Variants in KALRN observed in about 807,000 individuals in gnomAD.
The protein encoded by KALRN is kalirin RhoGEF kinase, also known as kalirin.
Under a neutral mutation model 353.7 loss-of-function variants are expected in KALRN, and 70 were observed. The ratio of observed to expected loss-of-function variants is 0.20; its 90% CI spans 0.16 to 0.24. KALRN has a LOEUF of 0.24. KALRN is among the 10% of genes least tolerant of loss of function. The pLI, the probability that KALRN is intolerant of heterozygous loss-of-function variation, is 1.00. For synonymous variants in KALRN, 1,391 were observed against 1,434.8 expected, an observed-to-expected ratio of 0.97 and a Z score of 0.69; for missense variants, 2,791 against 3,756.7, an observed-to-expected ratio of 0.74 and a Z score of 6.72.
At chr3:124,388,214 A>G (rs751087797) in intron 11 of KALRN, among the ~76,000 whole-genome samples, 2 of 151,866 alleles carry the variant, frequency 1.3e-5, no homozygotes, top group Admixed American at 6.6e-5. Context: ...CTATTACAAC[A>G]CTCATTTTTT....
intron 33 of KALRN, among the ~76,000 whole-genome samples, chr3:124,515,086 G>A (rs2108898338): frequency 6.6e-6 from 1 of 152,314 alleles, no homozygotes; most frequent in Middle Eastern, 3.4e-3. Flanking sequence ...CAAAATAACT[G>A]CCTCAAATTC....
chr3:124,546,845 C>T, intron 33 of KALRN, among the ~76,000 whole-genome samples: 1 of 152,134 alleles, frequency 6.6e-6, no homozygotes, highest in East Asian at 1.9e-4. Flanking sequence ...TTCGAGAATA[C>T]AGAGACATCC....
chr3:124,048,704 G>A (rs895860294), intron 1 of KALRN, among the ~76,000 whole-genome samples: 3 of 152,080 alleles, frequency 2.0e-5, no homozygotes, highest in African/African-American at 7.2e-5. Flanking sequence ...AGATGGTCTC[G>A]ATCTCCTGAT....
rs534314724 is a variant in KALRN, at chr3:124,094,457, A to G, written c.73+60644A>G. 2.6e-5 allele frequency among the ~76,000 whole-genome samples: 4 copies of G among 152,366 alleles called. No individual in the cohort carries two copies. The South Asian group carries it at 8.3e-4, about 32-fold the overall frequency. ...CTCTGGTGTGGGAGGTATGGAGGCC[A>G]GGATGGCAGGAGATGCTGGAAAAAA... On this transcript the variant is annotated intron_variant, in intron 1 of 59. Transcript: ENST00000682506.
intron 1 of KALRN, among the ~76,000 whole-genome samples, chr3:124,127,086 G>T (rs560290096): frequency 1.3e-5 from 2 of 152,296 alleles, no homozygotes; most frequent in Admixed American, 6.5e-5. Flanking sequence ...TTGTGGCAAG[G>T]CAGCTCAGAG....
rs573324955 is a variant in KALRN, at chr3:124,232,562, C to T, written c.149-2267C>T. ...TTATGCCTTCCCTGAGACCTTGCTC[C>T]GTTGTTGTCCCTACCCTTCCCAGCA... On this transcript the variant is annotated intron_variant, in intron 2 of 59. Coordinates refer to ENST00000682506, the MANE Select transcript of KALRN (RefSeq NM_001388419.1). Among the ~76,000 whole-genome samples, 6 of 152,310 alleles carry T rather than the reference C, an allele frequency of 3.9e-5. No individual in the cohort carries two copies. In the South Asian group the frequency reaches 6.2e-4, roughly 16 times the overall value.
chr3:124,356,174 C>T (rs779566630), intron 10 of KALRN, among the ~76,000 whole-genome samples: 25 of 152,026 alleles, frequency 1.6e-4, no homozygotes, highest in Non-Finnish European at 1.8e-4. Context: ...CCATTCCCCT[C>T]GACCCCTGCC....
chr3:124,251,060 C>T (rs1359345471), intron 3 of KALRN, among the ~76,000 whole-genome samples: 4 of 152,216 alleles, frequency 2.6e-5, no homozygotes, highest in Non-Finnish European at 5.9e-5. Flanking sequence ...TCCTTCCAAA[C>T]AAATGCTGTG....
chr3:124,482,780 T>A, intron 27 of KALRN, 28 bp from the exon 28 acceptor site: 1 of 1,486,656 alleles, frequency 6.7e-7, no homozygotes, highest in Admixed American at 1.7e-5. Flanking sequence ...CCTCTGTGTC[T>A]AATTGCACAT....
intron 1 of KALRN, among the ~76,000 whole-genome samples, chr3:124,196,675 A>G (rs999123722): frequency 6.6e-6 from 1 of 152,168 alleles, no homozygotes; most frequent in African/African-American, 2.4e-5. Flanking sequence ...AAGCGTACAC[A>G]CTTTATAACC....
chr3:124,539,769 G>GTT (rs201157170), intron 33 of KALRN, among the ~76,000 whole-genome samples: 5 of 151,040 alleles, frequency 3.3e-5, no homozygotes, highest in Non-Finnish European at 4.4e-5. Flanking sequence ...ATCATTTTGT[G>GTT]TTTTTTTTTG....
chr3:124,481,831 C>A (rs527789383), intron 27 of KALRN, among the ~76,000 whole-genome samples: 5 of 152,328 alleles, frequency 3.3e-5, no homozygotes, highest in African/African-American at 1.2e-4. Context: ...TCTCTACTAA[C>A]CACCCGGCCA....
At chr3:124,281,354 C>T (rs2075324499) in intron 5 of KALRN, among the ~76,000 whole-genome samples, 1 of 152,150 alleles carries the variant, frequency 6.6e-6, no homozygotes, top group Non-Finnish European at 1.5e-5. Flanking sequence ...TTGGGTTGAC[C>T]AGCTTGTCCC....
At position 124,152,397 on chromosome 3, in the gene KALRN, A is replaced by C. The variant is rs2068241983; in HGVS notation, c.74-75593A>C. The C allele has an allele frequency of 4.1e-6, 5 of 1,223,636 alleles. No individual in the cohort carries two copies. The South Asian group carries it at 6.0e-5, about 15-fold the overall frequency. 75.8% of individuals were successfully genotyped at this position (1,223,636 alleles called of 1,614,324 possible). A position where few individuals can be genotyped will look rare whatever the true frequency, so the allele number is the denominator to read the frequency against. On this transcript the variant is annotated intron_variant, in intron 1 of 59. Coordinates refer to ENST00000682506, the MANE Select transcript of KALRN (RefSeq NM_001388419.1). ...CCTTTCGGACCTTTGGGCTCACACT[A>C]TTGATACCTCTGATCCTGATGACAA...
Position 124,492,764 on chromosome 3 carries a change from G to C in KALRN, c.4714G>C (p.Glu1572Gln). 1 of 1,614,046 alleles carries C rather than the reference G, an allele frequency of 6.2e-7. No homozygotes were observed. Among genetic ancestry groups the C allele is most frequent in the South Asian group, 1.1e-5 (1 of 91,070 alleles). The part of the protein sequence containing the change: ...LKASNIETKQ[E>Q]WIKNIREVIQ... The stretch of plus-strand genomic sequence containing the variant: ...GGCCTCCAACATTGAAACCAAGCAG[G>C]AGTGGATCAAGAACATTCGAGAAGT... The change falls in exon 32 of 60, where the codon GAG becomes CAG. Residue 1572 changes from glutamate (E) to glutamine (Q), a missense_variant. Transcript: ENST00000682506.
intron 33 of KALRN, among the ~76,000 whole-genome samples, chr3:124,498,399 G>A (rs2064121128): frequency 6.6e-6 from 1 of 152,162 alleles, no homozygotes; most frequent in African/African-American, 2.4e-5. Context: ...GGCAAGAGCT[G>A]TGTCTGTCTG....
intron 1 of KALRN, among the ~76,000 whole-genome samples, chr3:124,119,289 A>G (rs996000040): frequency 2.0e-5 from 3 of 152,254 alleles, no homozygotes; most frequent in South Asian, 4.1e-4. Context: ...TCAGAGAAGA[A>G]TTAGACTGTT....
chr3:124,126,915 A>G (rs986421453), intron 1 of KALRN, among the ~76,000 whole-genome samples: 3 of 152,204 alleles, frequency 2.0e-5, no homozygotes, highest in Middle Eastern at 3.2e-3. Context: ...GATGGGCACA[A>G]TACTCTAAGT....
chr3:124,409,972 C>A (rs2091988407), intron 13 of KALRN, among the ~76,000 whole-genome samples: 1 of 151,960 alleles, frequency 6.6e-6, no homozygotes, highest in African/African-American at 2.4e-5. Flanking sequence ...TAGGAGGAGG[C>A]CCTGGAAATT....
Sources: allele counts gnomAD v4.1 joint callset (sites outside exome capture counted in the v4.1 genomes callset), GRCh38; gene constraint gnomAD v4.1.1; transcripts MANE v1.5; gene names NCBI Gene and HGNC (gene_info 2026-07-23, HGNC 2026-07-21).